Variants in AMPD3 observed in about 807,000 individuals in gnomAD.
AMPD3 encodes AMP deaminase 3.
Under a neutral mutation model 82.3 loss-of-function variants are expected in AMPD3, and 57 were observed. The observed-to-expected ratio is 0.69, with a 90% confidence interval of 0.56 to 0.86. The LOEUF (loss-of-function observed/expected upper bound fraction) is 0.86. Ranked by LOEUF, AMPD3 falls within the 40% of genes least tolerant of loss-of-function variation. AMPD3 has a pLI of 0.00. For missense variants in AMPD3, 870 were observed against 1,003.8 expected (o/e 0.87, Z 1.80); for synonymous variants, 381 against 394.7 (o/e 0.97, Z 0.41).
intron 2 of AMPD3, among the ~76,000 whole-genome samples, chr11:10,468,133 C>T (rs923870696): frequency 6.6e-6 from 1 of 152,188 alleles, no homozygotes; most frequent in African/African-American, 2.4e-5. Context: ...AACCAGCTAG[C>T]ATCATGATGA....
At chr11:10,503,920 T>C (rs766508188) in intron 13 of AMPD3, 125 of 984,580 alleles carry the variant, frequency 1.3e-4, no homozygotes, top group Non-Finnish European at 1.5e-4. Context: ...GAACTATTGC[T>C]CTAGGCTACA....
chr11:10,450,973 G>A (rs1271130758), upstream of AMPD3: 3 of 1,545,038 alleles, frequency 1.9e-6, no homozygotes, highest in African/African-American at 1.4e-5. Flanking sequence ...GCTCTGCCCA[G>A]CGCGTCCCCT....
chr11:10,450,787 A>T, upstream of AMPD3: 2 of 1,170,330 alleles, frequency 1.7e-6, no homozygotes, highest in Non-Finnish European at 2.1e-6. Flanking sequence ...CGGGGGCTGC[A>T]CGCGGCTGGC....
chr11:10,500,915 T>C (rs533255136), intron 11 of AMPD3: 2 of 985,384 alleles, frequency 2.0e-6, no homozygotes. Context: ...GGGGTCTCTC[T>C]AGCTCAGCCT....
At chr11:10,468,530 G>C (rs1848488948) in intron 2 of AMPD3, among the ~76,000 whole-genome samples, 1 of 152,168 alleles carries the variant, frequency 6.6e-6, no homozygotes, top group African/African-American at 2.4e-5. Context: ...GCAAGTCTTA[G>C]AGACCTACAA....
At chr11:10,454,807 G>C (rs1848046340), upstream of AMPD3, among the ~76,000 whole-genome samples, 1 of 152,138 alleles carries the variant, frequency 6.6e-6, no homozygotes, top group African/African-American at 2.4e-5. Flanking sequence ...CCTTCTGGCA[G>C]AATAGTACTA....
intron 1 of AMPD3, among the ~76,000 whole-genome samples, chr11:10,457,564 T>G (rs762077702): frequency 1.1e-4 from 16 of 152,278 alleles, no homozygotes; most frequent in East Asian, 5.8e-4. Context: ...TAGAAAGCTG[T>G]GTCCTGAAAA....
intron 11 of AMPD3, 134 bp from the exon 12 acceptor site, chr11:10,501,336 C>G: frequency 6.9e-7 from 1 of 1,458,944 alleles, no homozygotes; most frequent in Admixed American, 2.6e-5. Context: ...GGGTAGTTTC[C>G]AGGGTGCACT....
rs542156482 is a variant in AMPD3 at position 10,497,569 on chromosome 11, C to T, written c.1557+631C>T. 1.8e-5 allele frequency: 18 copies of T among 985,346 alleles called. No homozygotes were observed. The African/African-American group carries it at 2.8e-4, about 15-fold the overall frequency. 61.0% of individuals were successfully genotyped at this position (985,346 alleles called of 1,614,324 possible). Reference sequence around the variant, plus strand: ...ATGGATGACTTTCTACAGGGAGAGGCACAGCGGGGAGCCCGAGGGCTGGGG... The same window carrying T: ...ATGGATGACTTTCTACAGGGAGAGGTACAGCGGGGAGCCCGAGGGCTGGGG... On this transcript the variant is annotated intron_variant, in intron 10 of 14. Coordinates refer to ENST00000396553, the MANE Select transcript of AMPD3 (RefSeq NM_001025389.2).
In AMPD3 at chr11:10,502,743, A is replaced by G. The variant is rs1443963462; in HGVS notation, c.1865A>G (p.Tyr622Cys). 2 of 1,614,116 alleles carry G rather than the reference A, an allele frequency of 1.2e-6. No homozygotes were observed. Among genetic ancestry groups the G allele is most frequent in the Admixed American group, 3.3e-5 (2 of 60,028 alleles). Residue 622 changes from tyrosine to cysteine, a missense_variant, in exon 13 of 15, where the codon TAC becomes TGC. Physicochemically the swap from Tyr to Cys is radical, Grantham distance 194. Coordinates refer to ENST00000396553, the MANE Select transcript of AMPD3 (RefSeq NM_001025389.2). ...CAGAGTCCGGTATTGCAGTATCTCT[A>G]CTACCTTGCTCAGATCCCCATTGCC... ...LKKSPVLQYL[Y>C]YLAQIPIAMS... is the part of the protein sequence containing the mutation.
At chr11:10,459,207 T>A (rs1164925423) in intron 1 of AMPD3, among the ~76,000 whole-genome samples, 1 of 152,118 alleles carries the variant, frequency 6.6e-6, no homozygotes, top group African/African-American at 2.4e-5. Context: ...CTCCCACTCC[T>A]CTCATCAGGG....
chr11:10,470,206 A>G (rs1848549570), intron 2 of AMPD3, among the ~76,000 whole-genome samples: 1 of 152,246 alleles, frequency 6.6e-6, no homozygotes, highest in South Asian at 2.1e-4. Context: ...AGAACCAATG[A>G]CGAAAACCAC....
intron 2 of AMPD3, among the ~76,000 whole-genome samples, chr11:10,471,082 A>C (rs55638917): frequency 0.17 from 25,903 of 152,166 alleles, 2,322 homozygotes; most frequent in Non-Finnish European, 0.2. Flanking sequence ...GCTACAGTAA[A>C]CAAAACAGCC....
chr11:10,497,067 C>T (rs770723796), intron 10 of AMPD3, 129 bp downstream of exon 10: 45 of 1,215,118 alleles, frequency 3.7e-5, no homozygotes, highest in East Asian at 1.2e-4. Flanking sequence ...GTGTTCCAGG[C>T]GTGGGGTCAC....
At chr11:10,461,411 A>T in intron 1 of AMPD3, 104 bp from the exon 2 acceptor site, 1 of 1,604,052 alleles carries the variant, frequency 6.2e-7, no homozygotes, top group Non-Finnish European at 8.5e-7. Flanking sequence ...TAGACAGCTG[A>T]CCCCAAGTAC....
intron 12 of AMPD3, 153 bp from the exon 13 acceptor site, chr11:10,502,568 C>T: frequency 1.0e-6 from 1 of 984,804 alleles, no homozygotes; most frequent in Non-Finnish European, 1.2e-6. Flanking sequence ...TCTGAGTGTC[C>T]TGGCTTCGAG....
rs769228627 is a variant in AMPD3 at position 10,500,269 on chromosome 11, G to A, written c.1721+20G>A. 14 of 1,613,926 alleles carry A rather than the reference G, an allele frequency of 8.7e-6. No homozygotes were observed. The highest frequency in any genetic ancestry group is 1.6e-4 in the Middle Eastern group (1 of 6,062). On this transcript the variant is annotated intron_variant, in intron 11 of 14. Coordinates refer to ENST00000396553, the MANE Select transcript of AMPD3 (RefSeq NM_001025389.2). ...CCGCAGGTGCGTGAGGCCTGCCCTC[G>A]CACATGCTTGGGTTCATGTGTTAGT...
At chr11:10,455,224 TAA>T (rs1848058199), upstream of AMPD3, 1 of 985,326 alleles carries the variant, frequency 1.0e-6, no homozygotes, top group Non-Finnish European at 1.2e-6. Context: ...AGGATTTGCC[TAA>T]GTCACTGGGA....
At chr11:10,483,131 TC>T (rs1848962491) in intron 4 of AMPD3, among the ~76,000 whole-genome samples, 1 of 152,184 alleles carries the variant, frequency 6.6e-6, no homozygotes, top group Admixed American at 6.5e-5. Context: ...AGTTCTGGCA[TC>T]TAGTGAGTGT....
Sources: allele counts gnomAD v4.1 joint callset (sites outside exome capture counted in the v4.1 genomes callset), GRCh38; gene constraint gnomAD v4.1.1; transcripts MANE v1.5; gene names NCBI Gene and HGNC (gene_info 2026-07-23, HGNC 2026-07-21).